TWIST2: variants seen among roughly 807,000 people sequenced by gnomAD.
The protein encoded by TWIST2 is twist family bHLH transcription factor 2, also known as twist-related protein 2.
TWIST2 carries 1 observed loss-of-function variant against 11.6 expected under a neutral mutation model. The observed-to-expected ratio is 0.09, with a 90% confidence interval of 0.03 to 0.41. The LOEUF is 0.41. TWIST2 is among the 10% of genes least tolerant of loss of function. The probability of loss-of-function intolerance (pLI) is 0.98; values close to 1 mark genes in which losing one functional copy is unlikely to be tolerated. For synonymous variants in TWIST2, 87 were observed against 96.6 expected (o/e 0.90, Z 0.58); for missense variants, 168 against 226.4 (o/e 0.74, Z 1.66).
chr2:238,905,373 A>G (rs1008958866), intron 1 of TWIST2, among the ~76,000 whole-genome samples: 83 of 152,318 alleles, frequency 5.4e-4, no homozygotes, highest in Middle Eastern at 6.8e-3. Flanking sequence ...CTGTGTATGC[A>G]GGAGGCGCTC....
At chr2:238,853,390 A>G (rs559952394) in intron 1 of TWIST2, among the ~76,000 whole-genome samples, 1 of 147,138 alleles carries the variant, frequency 6.8e-6, no homozygotes, top group Non-Finnish European at 1.5e-5. Context: ...AGGGAGAGAG[A>G]GAGAGAGAGA....
intron 1 of TWIST2, among the ~76,000 whole-genome samples, chr2:238,858,769 G>A (rs573588867): frequency 6.6e-6 from 1 of 152,226 alleles, no homozygotes; most frequent in Admixed American, 6.5e-5. Flanking sequence ...CCAAAACACT[G>A]AAAACAGTTT....
chr2:238,882,988 C>A (rs1692964628), intron 1 of TWIST2, among the ~76,000 whole-genome samples: 1 of 152,154 alleles, frequency 6.6e-6, no homozygotes, highest in African/African-American at 2.4e-5. Context: ...GATTTGAGGG[C>A]AGCTCTTGAC....
intron 1 of TWIST2, among the ~76,000 whole-genome samples, chr2:238,875,957 C>T (rs990664242): frequency 3.3e-5 from 5 of 152,224 alleles, no homozygotes; most frequent in African/African-American, 1.2e-4. Flanking sequence ...TCCAGCAGGG[C>T]TGGAGCAGGT....
intron 1 of TWIST2, among the ~76,000 whole-genome samples, chr2:238,849,543 C>T (rs998062501): frequency 7.9e-5 from 12 of 152,176 alleles, no homozygotes; most frequent in African/African-American, 2.9e-4. Context: ...CAACCTTGAC[C>T]CTGGAGTACC....
At chr2:238,874,527 C>G (rs577400816) in intron 1 of TWIST2, among the ~76,000 whole-genome samples, 95 of 152,230 alleles carry the variant, frequency 6.2e-4, no homozygotes, top group Non-Finnish European at 1.0e-3. Flanking sequence ...TGATGTGTAT[C>G]CTGGTTGGAC....
intron 1 of TWIST2, among the ~76,000 whole-genome samples, chr2:238,877,402 G>A (rs1329930140): frequency 2.0e-5 from 3 of 152,078 alleles, no homozygotes; most frequent in Non-Finnish European, 4.4e-5. Context: ...TGTCTACTAA[G>A]AACCTTGCTG....
rs144559243 is a variant in TWIST2 at position 238,849,005 on chromosome 2, G to C, written c.*35+272G>C. On this transcript the variant is annotated intron_variant, in intron 1 of 1. Transcript: ENST00000612363. ...GGCGGGTTCTGAAGATACTTAGACA[G>C]ATGGTCGCAGTTTTCATTCTCGGTG... Among the ~76,000 whole-genome samples, 1,290 of 152,196 alleles carry C rather than the reference G, an allele frequency of 8.5e-3. 15 individuals carry two copies. Among genetic ancestry groups the C allele is most frequent in the African/African-American group, 0.029 (1,225 of 41,532 alleles).
rs1454238348 is a variant in TWIST2 at position 238,866,251 on chromosome 2, G to A, written c.*35+17518G>A. Among the ~76,000 whole-genome samples, 3 of 152,208 alleles carry A rather than the reference G, an allele frequency of 2.0e-5. No individual in the cohort carries two copies. Among genetic ancestry groups the A allele is most frequent in the Non-Finnish European group, 4.4e-5 (3 of 68,040 alleles). On this transcript the variant is annotated intron_variant, in intron 1 of 1. Transcript: ENST00000612363. This position sits in a 1 kb window ranked among gnomAD's most constrained non-coding sequence, Gnocchi z 4.9. ...GAGCCCTGGGCACCCTCCATGGCGA[G>A]CTCCCCAGGCCAGGAGCATGTCTGT...
chr2:238,858,093 T>C (rs1346263243), intron 1 of TWIST2, among the ~76,000 whole-genome samples: 1 of 152,166 alleles, frequency 6.6e-6, no homozygotes, highest in East Asian at 1.9e-4. Context: ...TTCCTGAAAG[T>C]TGCAAATATT....
At chr2:238,870,135 C>CCA (rs1553568285) in intron 1 of TWIST2, among the ~76,000 whole-genome samples, 10 of 77,188 alleles carry the variant, frequency 1.3e-4, no homozygotes, top group Non-Finnish European at 1.5e-4. Context: ...CACACACACA[C>CCA]CACACCCCAT....
In TWIST2 at chr2:238,849,623, G is replaced by C. The variant is rs143222995; in HGVS notation, c.*35+890G>C. Among the ~76,000 whole-genome samples the C allele has an allele frequency of 1.1e-3, 164 of 152,322 alleles. 2 individuals are homozygous for C. The East Asian group carries it at 0.019, about 18-fold the overall frequency. On this transcript the variant is annotated intron_variant, in intron 1 of 1. Coordinates refer to ENST00000612363, the MANE Select transcript of TWIST2 (RefSeq NM_001271893.4). ...GTCCAGGCTGGGAAACGGGTCTGGG[G>C]GACAGGGAGGCTGTGCGCGCCGGGC... is the stretch of plus-strand genomic sequence containing the variant.
At chr2:238,893,988 A>C (rs1693178950) in intron 1 of TWIST2, among the ~76,000 whole-genome samples, 1 of 151,894 alleles carries the variant, frequency 6.6e-6, no homozygotes, top group Non-Finnish European at 1.5e-5. Context: ...CCTCCTTCCC[A>C]GCCTCTCCCT....
intron 1 of TWIST2, among the ~76,000 whole-genome samples, chr2:238,875,555 G>A (rs951763106): frequency 6.6e-6 from 1 of 152,164 alleles, no homozygotes; most frequent in Non-Finnish European, 1.5e-5. Flanking sequence ...TTGCTTTGTT[G>A]GGAAGCTATG....
At position 238,866,658 on chromosome 2, in the gene TWIST2, G is replaced by GA. The variant is rs377679301; in HGVS notation, c.*35+17935dup. 9.8e-4 allele frequency among the ~76,000 whole-genome samples: 145 copies of GA among 148,344 alleles called. 1 individual carries two copies. Among genetic ancestry groups the GA allele is most frequent in the Middle Eastern group, 3.5e-3 (1 of 286 alleles). ...GGTGACAGAGCGAGACTCCACCATG[G>GA]AAAAAAAAAAGAAAAGCACGGCGCC... On this transcript the variant is annotated intron_variant, in intron 1 of 1. Transcript: ENST00000612363. This position sits in a 1 kb window ranked among gnomAD's most constrained non-coding sequence, Gnocchi z 4.9.
intron 1 of TWIST2, among the ~76,000 whole-genome samples, chr2:238,895,229 C>T (rs1180702372): frequency 6.6e-6 from 1 of 152,228 alleles, no homozygotes; most frequent in Non-Finnish European, 1.5e-5. Context: ...GCTGTGGATA[C>T]AAAAGGTATT....
In TWIST2 at chr2:238,855,471, G is replaced by A. The variant is rs145191151; in HGVS notation, c.*35+6738G>A. Among the ~76,000 whole-genome samples, 1,013 of 152,224 alleles carry A rather than the reference G, an allele frequency of 6.7e-3. 11 individuals are homozygous for A. The highest frequency in any genetic ancestry group is 0.023 in the African/African-American group (952 of 41,524). On this transcript the variant is annotated intron_variant, in intron 1 of 1. Coordinates refer to ENST00000612363, the MANE Select transcript of TWIST2 (RefSeq NM_001271893.4). ...CAACATCTTCAACATATGCCCAGCCGCCTGGCTTTCCTCTCGTTCATGATA... is the reference window on the plus strand; with the variant it reads ...CAACATCTTCAACATATGCCCAGCCACCTGGCTTTCCTCTCGTTCATGATA...
intron 1 of TWIST2, among the ~76,000 whole-genome samples, chr2:238,876,886 A>T (rs1574758701): frequency 6.6e-6 from 1 of 152,182 alleles, no homozygotes; most frequent in East Asian, 1.9e-4. Flanking sequence ...GAAAAATTTA[A>T]CATATTTCTG....
intron 1 of TWIST2, among the ~76,000 whole-genome samples, chr2:238,876,786 AGATTCTTG>A (rs1692811444): frequency 6.6e-6 from 1 of 152,302 alleles, no homozygotes; most frequent in Non-Finnish European, 1.5e-5. Context: ...CAGATTGCTC[AGATTCTTG>A]GATTCATGTA....
Sources: allele counts gnomAD v4.1 joint callset (sites outside exome capture counted in the v4.1 genomes callset), GRCh38; gene constraint gnomAD v4.1.1; non-coding constraint Gnocchi (gnomAD v3.1); transcripts MANE v1.5; gene names NCBI Gene and HGNC (gene_info 2026-07-23, HGNC 2026-07-21).